The following VPS13D variants were observed in gnomAD, a reference collection of about 807,000 sequenced individuals.
VPS13D encodes vacuolar protein sorting 13 homolog D, also known as intermembrane lipid transfer protein VPS13D.
Under a neutral mutation model 461.9 loss-of-function variants are expected in VPS13D, and 187 were observed. The ratio of observed to expected loss-of-function variants is 0.40; its 90% CI spans 0.36 to 0.46. VPS13D has a LOEUF of 0.46. Ranked by LOEUF, VPS13D falls within the 20% of genes least tolerant of loss-of-function variation. The pLI is 0.60. For synonymous variants in VPS13D, 1,951 were observed against 1,986.3 expected, an observed-to-expected ratio of 0.98 and a Z score of 0.47; for missense variants, 4,711 against 5,364.9, an observed-to-expected ratio of 0.88 and a Z score of 3.81.
intron 66 of VPS13D, 88 bp from the exon 67 acceptor site, chr1:12,460,113 G>A (rs971355954): frequency 6.4e-6 from 8 of 1,259,358 alleles, no homozygotes; most frequent in Non-Finnish European, 8.7e-6. Context: ...ATGGCCTTAA[G>A]TTATCATTCC....
chr1:12,329,503 G>A (rs1286325717), intron 36 of VPS13D, among the ~76,000 whole-genome samples: 5 of 152,120 alleles, frequency 3.3e-5, no homozygotes, highest in East Asian at 3.9e-4. Flanking sequence ...ATGAGCCACC[G>A]TACCTGGCCA....
At position 12,277,551 on chromosome 1, in the gene VPS13D, A is replaced by G. The variant is rs750469288; in HGVS notation, c.3963A>G (p.Ala1321=). 3 of 1,614,048 alleles carry G rather than the reference A, an allele frequency of 1.9e-6. No individual in the cohort carries two copies. The South Asian group carries it at 3.3e-5, about 18-fold the overall frequency. The change falls in exon 19 of 70, where the codon GCA becomes GCG. Residue 1321 remains alanine, a synonymous_variant. Coordinates refer to ENST00000620676, the MANE Select transcript of VPS13D (RefSeq NM_015378.4). The stretch of plus-strand genomic sequence containing the variant: ...ATTTTCGAGGTATGCTGAAAAGCGC[A>G]GCCACCAAAGTCACCACAGTACTAG... The part of the protein sequence containing the change: ...EENFRGMLKS[A]ATKVTTVLAT...
At chr1:12,377,125 T>C (rs574756747) in intron 55 of VPS13D, among the ~76,000 whole-genome samples, 27 of 151,622 alleles carry the variant, frequency 1.8e-4, no homozygotes, top group Non-Finnish European at 3.5e-4. Flanking sequence ...AATGGCGCAA[T>C]CTTGGCTCAC....
chr1:12,349,071 G>A lies in VPS13D; in HGVS notation c.9221-93G>A. ...CCAGTGGTATCTTCCCCAGCAGTCA[G>A]TATATATGGTCTGTCTTCTTTTGTC... On this transcript the variant is annotated intron_variant, in intron 45 of 69. Transcript: ENST00000620676. 8 of 1,609,826 alleles carry A rather than the reference G, an allele frequency of 5.0e-6. No individual in the cohort carries two copies. In the South Asian group the frequency reaches 5.5e-5, roughly 11 times the overall value.
intron 54 of VPS13D, among the ~76,000 whole-genome samples, chr1:12,373,095 GTTTTTTTTTT>G (rs571503565): frequency 2.7e-5 from 1 of 37,240 alleles, no homozygotes; most frequent in African/African-American, 9.8e-5. Flanking sequence ...GTCTGGCTTG[GTTTTTTTTTT>G]TTTTTTTTTT....
At chr1:12,361,427 G>C (rs1414439478) in intron 50 of VPS13D, among the ~76,000 whole-genome samples, 1 of 139,676 alleles carries the variant, frequency 7.2e-6, no homozygotes, top group African/African-American at 2.8e-5. Context: ...ACGGAGTCTC[G>C]CTCTGTCGCC....
chr1:12,237,250 C>T (rs1197209613), intron 2 of VPS13D, among the ~76,000 whole-genome samples: 2 of 149,394 alleles, frequency 1.3e-5, no homozygotes, highest in African/African-American at 4.9e-5. Flanking sequence ...AAAAAAAATA[C>T]AAAGTAACAT....
intron 25 of VPS13D, among the ~76,000 whole-genome samples, chr1:12,301,883 G>A (rs2101465113): frequency 6.6e-6 from 1 of 152,238 alleles, no homozygotes; most frequent in South Asian, 2.1e-4. Flanking sequence ...CTTGTGTCAG[G>A]GACTAAGACC....
chr1:12,419,549 G>T (rs778995509), intron 65 of VPS13D, among the ~76,000 whole-genome samples: 8 of 151,882 alleles, frequency 5.3e-5, no homozygotes, highest in African/African-American at 7.3e-5. Flanking sequence ...GGTGAAGCAG[G>T]TGTCTCACAT....
chr1:12,471,817 CTGCTTTGTTTTCTAT>C (rs1645566671), intron 67 of VPS13D, among the ~76,000 whole-genome samples: 1 of 151,918 alleles, frequency 6.6e-6, no homozygotes, highest in Non-Finnish European at 1.5e-5. Flanking sequence ...TCAGTATTGT[CTGCTTTGTTTTCTAT>C]ATGCACATTC....
In VPS13D at chr1:12,493,287, C is replaced by A. The variant is rs113089666; in HGVS notation, c.12663-4213C>A. On this transcript the variant is annotated intron_variant, in intron 67 of 69. Coordinates refer to ENST00000620676, the MANE Select transcript of VPS13D (RefSeq NM_015378.4). ...GTGGATCACGAGGTCAGGAGACCAT[C>A]GTGGCTAACACGGTGAAACCCCGTC... is the stretch of plus-strand genomic sequence containing the variant. Among the ~76,000 whole-genome samples the A allele has an allele frequency of 4.4e-3, 659 of 151,396 alleles. 6 individuals carry two copies. The highest frequency in any genetic ancestry group is 0.015 in the African/African-American group (620 of 41,334).
Position 12,271,110 on chromosome 1 carries a change from G to C in VPS13D, c.2089G>C (p.Val697Leu). ...EIRQTLDRLLVGDFIEESKRW... is the reference protein window; with the variant it reads ...EIRQTLDRLLLGDFIEESKRW... The stretch of plus-strand genomic sequence containing the variant: ...CCGGCAAACTCTTGATCGTTTGCTA[G>C]TGGGTGATTTCATTGTAAGTGGGCA... The change falls in exon 17 of 70, where the codon GTG becomes CTG. Residue 697 changes from valine (V) to leucine (L), a missense_variant. Coordinates refer to ENST00000620676, the MANE Select transcript of VPS13D (RefSeq NM_015378.4). The C allele has an allele frequency of 6.2e-7, 1 of 1,614,050 alleles. No individual in the cohort carries two copies.
chr1:12,478,756 A>G (rs1460557525), intron 67 of VPS13D: 3 of 454,716 alleles, frequency 6.6e-6, no homozygotes, highest in Non-Finnish European at 1.3e-5. Flanking sequence ...CAGAAACGGG[A>G]CACCTTAGTG....
chr1:12,291,718 G>C (rs111835883), intron 23 of VPS13D, among the ~76,000 whole-genome samples: 2 of 152,188 alleles, frequency 1.3e-5, no homozygotes, highest in African/African-American at 2.4e-5. Flanking sequence ...CACGAACTTG[G>C]TGTATGTCCT....
At chr1:12,401,972 A>G (rs1297206494) in intron 62 of VPS13D, among the ~76,000 whole-genome samples, 1 of 152,216 alleles carries the variant, frequency 6.6e-6, no homozygotes, top group African/African-American at 2.4e-5. Context: ...GAAGCAGTAT[A>G]CTATTCCTCT....
At chr1:12,256,797 A>G (rs1225644415) in intron 8 of VPS13D, among the ~76,000 whole-genome samples, 190 bp from the exon 9 acceptor site, 1 of 151,906 alleles carries the variant, frequency 6.6e-6, no homozygotes. Context: ...AGATACGGCA[A>G]TGTATAGGCT....
At chr1:12,323,559 T>C (rs1267677950) in intron 34 of VPS13D, 147 bp from the exon 35 acceptor site, 7 of 671,794 alleles carry the variant, frequency 1.0e-5, no homozygotes, top group Non-Finnish European at 1.7e-5. Context: ...CTTGATAGAA[T>C]TCTCCAATTA....
chr1:12,288,211 G>T lies in VPS13D; in HGVS notation c.5635-12G>T. The T allele has an allele frequency of 6.2e-7, 1 of 1,606,496 alleles. No individual in the cohort carries two copies. The highest frequency in any genetic ancestry group is 8.5e-7 in the Non-Finnish European group (1 of 1,174,290). The stretch of plus-strand genomic sequence containing the variant: ...AGTAATATTGGCCTTGCTTTATCTT[G>T]TCTGTTCCTAGGTTCATTCACTTTC... On this transcript the variant is annotated splice_polypyrimidine_tract_variant and intron_variant, in intron 21 of 69. Coordinates refer to ENST00000620676, the MANE Select transcript of VPS13D (RefSeq NM_015378.4).
chr1:12,437,169 T>C (rs1309018333), intron 65 of VPS13D, among the ~76,000 whole-genome samples: 1 of 151,942 alleles, frequency 6.6e-6, no homozygotes, highest in Non-Finnish European at 1.5e-5. Flanking sequence ...GATTGCAGAG[T>C]TACCAAACTG....
Sources: gnomAD v4.1 joint callset for allele counts (sites outside exome capture counted in the v4.1 genomes callset) on GRCh38, gnomAD v4.1.1 for gene constraint, MANE v1.5 for transcripts, NCBI Gene and HGNC (gene_info 2026-07-23, HGNC 2026-07-21) for gene names.